SAMD11: variants seen among roughly 807,000 people sequenced by gnomAD.
The protein encoded by SAMD11 is sterile alpha motif domain containing 11.
A neutral mutation model predicts 64.4 loss-of-function variants in SAMD11; 77 were observed. The observed-to-expected ratio is 1.20, with a 90% confidence interval of 0.99 to 1.44. SAMD11 has a LOEUF of 1.44. Ranked by LOEUF, SAMD11 falls within the 40% of genes most tolerant of loss-of-function variation. The probability of loss-of-function intolerance (pLI) is 0.00; values close to 1 mark genes in which losing one functional copy is unlikely to be tolerated. For synonymous variants in SAMD11, 658 were observed against 421.9 expected (o/e 1.56, Z -6.86); for missense variants, 1,402 against 943.3 (o/e 1.49, Z -6.37).
intron 5 of SAMD11, 66 bp downstream of exon 5, chr1:935,962 AC>A: frequency 6.6e-7 from 1 of 1,518,618 alleles, no homozygotes; most frequent in South Asian, 1.2e-5. Context: ...TGGCGTCTCC[AC>A]TCAGCACCAG....
chr1:935,734 TGCCCACGGGG>T, intron 4 of SAMD11, 28 bp from the exon 5 acceptor site: 3 of 1,611,754 alleles, frequency 1.9e-6, no homozygotes, highest in Non-Finnish European at 2.5e-6. Flanking sequence ...GCCTCGCAGC[TGCCCACGGGG>T]TCAGCTTTTC....
At chr1:930,902 A>C in intron 3 of SAMD11, 137 bp from the exon 4 acceptor site, 1 of 813,328 alleles carries the variant, frequency 1.2e-6, no homozygotes, top group Non-Finnish European at 2.1e-6. Context: ...TGGGCATGGC[A>C]GCCGCCCTCG....
intron 4 of SAMD11, 39 bp downstream of exon 4, chr1:931,128 A>T (rs1480222488): frequency 1.4e-6 from 2 of 1,449,758 alleles, no homozygotes; most frequent in South Asian, 1.2e-5. Context: ...GGGGGCCGTG[A>T]CTCCCCTCCC....
chr1:943,723 G>GGGAGACCCTGCCACTGCTGAC lies in SAMD11; in HGVS notation c.2209_2229dup (p.Thr737_Glu743dup), dbSNP rs1553160513. 6.3e-7 allele frequency: 1 copy of GGGAGACCCTGCCACTGCTGAC among 1,598,012 alleles called. No individual in the cohort carries two copies. Among genetic ancestry groups the GGGAGACCCTGCCACTGCTGAC allele is most frequent in the Admixed American group, 1.7e-5 (1 of 59,156 alleles). ...GTCTTCAGGGAGCAGGGGATCGACG[G>GGGAGACCCTGCCACTGCTGAC]GGAGACCCTGCCACTGCTGACGGAG... On this transcript the variant is annotated inframe_insertion, in exon 13 of 14. Coordinates refer to ENST00000616016, the MANE Select transcript of SAMD11 (RefSeq NM_001385641.1).
At chr1:929,010 C>T (rs1215577921) in intron 2 of SAMD11, among the ~76,000 whole-genome samples, 2 of 152,268 alleles carry the variant, frequency 1.3e-5, no homozygotes, top group African/African-American at 2.4e-5. Flanking sequence ...GTGAGTTAGA[C>T]GCTCTCAAGG....
In SAMD11 at chr1:936,296, G is replaced by A. The variant is rs572571903; in HGVS notation, c.967+400G>A. 8.1e-4 allele frequency among the ~76,000 whole-genome samples: 110 copies of A among 136,428 alleles called. 2 individuals are homozygous for A. The highest frequency in any genetic ancestry group is 2.8e-3 in the African/African-American group (104 of 36,506). 89.5% of individuals were successfully genotyped at this position (136,428 alleles called of 152,430 possible). ...CCCGGTCCCGCCTCCTAGGGCTCCT[G>A]GACGGAGGGGGTCCCCGGTCCCGCC... On this transcript the variant is annotated intron_variant, in intron 5 of 13. Transcript: ENST00000616016.
At chr1:925,399 C>G (rs1301396452) in intron 1 of SAMD11, among the ~76,000 whole-genome samples, 1 of 76,974 alleles carries the variant, frequency 1.3e-5, no homozygotes, top group Non-Finnish European at 4.1e-5. Flanking sequence ...CCAGGTCACA[C>G]AACCTGTTTT....
In SAMD11 at chr1:939,130, G is replaced by T; in HGVS notation, c.1057+1G>T. The T allele has an allele frequency of 6.3e-7, 1 of 1,585,452 alleles. No homozygotes were observed. Among genetic ancestry groups the T allele is most frequent in the Admixed American group, 1.8e-5 (1 of 55,652 alleles). ...AGGGCACGAAGCGAATCGCCTCAAG[G>T]TAAGAGCGTGGCTGGGACGAGAGAC... is the stretch of plus-strand genomic sequence containing the variant. On this transcript the variant is annotated splice_donor_variant, in intron 6 of 13. Coordinates refer to ENST00000616016, the MANE Select transcript of SAMD11 (RefSeq NM_001385641.1). LOFTEE classifies it high-confidence loss of function.
At position 943,056 on chromosome 1, in the gene SAMD11, C is replaced by G; in HGVS notation, c.2051C>G (p.Thr684Arg). 2.6e-6 allele frequency: 4 copies of G among 1,533,802 alleles called. No individual in the cohort carries two copies. Among genetic ancestry groups the G allele is most frequent in the Non-Finnish European group, 3.5e-6 (4 of 1,141,456 alleles). Reference sequence around the variant, plus strand: ...TATGCCGTCAGCCCCTACTTCCACACAGGTGGGCACCCCCACACTCTAGAT... The same window carrying G: ...TATGCCGTCAGCCCCTACTTCCACAGAGGTGGGCACCCCCACACTCTAGAT... ...FPYAVSPYFHTGAVGGLSMDG... is the reference protein window; with the variant it reads ...FPYAVSPYFHRGAVGGLSMDG... The change falls in exon 11 of 14, where the codon ACA (threonine) becomes AGA (arginine). Residue 684 changes from threonine to arginine, a missense_variant and splice_region_variant. By Grantham distance (71) the Thr-to-Arg change is moderately conservative (BLOSUM62 -1). Transcript: ENST00000616016.
At chr1:927,783 C>T (rs1460804893) in intron 2 of SAMD11, among the ~76,000 whole-genome samples, 3 of 152,200 alleles carry the variant, frequency 2.0e-5, no homozygotes, top group African/African-American at 4.8e-5. Flanking sequence ...GTGCTGTGGC[C>T]GAGGTCTCTA....
chr1:932,092 T>C (rs542156257), intron 4 of SAMD11, among the ~76,000 whole-genome samples: 2 of 152,340 alleles, frequency 1.3e-5, no homozygotes, highest in East Asian at 3.9e-4. Context: ...CAGAGCCGAA[T>C]TACAATAAAA....
In SAMD11 at chr1:930,272, AC is replaced by A; in HGVS notation, c.729del (p.Cys244ValfsTer7). Reference protein sequence around the residue: ...SDGDSDGSGPTCGRRPGLKQE... With the variant: ...SDGDSDGSGPXCGRRPGLKQE... ...TGGTGACAGCGACGGGAGTGGCCCC[AC>A]CTGTGGGCGGCGGCCAGGCTTGAAG... On this transcript the variant is annotated frameshift_variant, in exon 3 of 14. Transcript: ENST00000616016. LOFTEE classifies it high-confidence loss of function. 6.2e-7 allele frequency: 1 copy of A among 1,608,316 alleles called. No homozygotes were observed. The highest frequency in any genetic ancestry group is 8.5e-7 in the Non-Finnish European group (1 of 1,177,864).
chr1:942,775 T>C lies in SAMD11; in HGVS notation c.1770T>C (p.Ser590=). 1 of 1,536,710 alleles carries C rather than the reference T, an allele frequency of 6.5e-7. No individual in the cohort carries two copies. The highest frequency in any genetic ancestry group is 2.5e-5 in the East Asian group (1 of 39,802). Residue 590 remains serine (S), a synonymous_variant, in exon 11 of 14, where the codon TCT becomes TCC. Transcript: ENST00000616016. ...GACCCCCCACCCCGTCCCGGGACTC[T>C]GCCCGGCGAGCCCCCCGGAAGGGGG... ...GSGPPTPSRD[S]ARRAPRKGGP...
intron 4 of SAMD11, among the ~76,000 whole-genome samples, chr1:935,252 T>C (rs1641369337): frequency 6.6e-6 from 1 of 152,140 alleles, no homozygotes; most frequent in Admixed American, 6.5e-5. Flanking sequence ...GCTGCACGTG[T>C]CTGCCGGTGC....
chr1:939,554 C>A, intron 7 of SAMD11, 142 bp downstream of exon 7: 3 of 1,496,566 alleles, frequency 2.0e-6, no homozygotes, highest in Non-Finnish European at 2.7e-6. Flanking sequence ...GACACCAAGG[C>A]CAGGCTGGAT....
intron 4 of SAMD11, 60 bp downstream of exon 4, chr1:931,149 C>G: frequency 6.7e-7 from 1 of 1,500,546 alleles, no homozygotes; most frequent in Non-Finnish European, 9.2e-7. Flanking sequence ...TCCCTCCCAC[C>G]CCTGACCGTG....
rs1418687917 is a variant in SAMD11 at position 925,387 on chromosome 1, C to T, written c.517+439C>T. Among the ~76,000 whole-genome samples the T allele has an allele frequency of 8.4e-5, 11 of 130,370 alleles. No individual in the cohort carries two copies. In the East Asian group the frequency reaches 2.1e-3, roughly 25 times the overall value. 85.5% of individuals were successfully genotyped at this position (130,370 alleles called of 152,430 possible). On this transcript the variant is annotated intron_variant, in intron 1 of 13. Transcript: ENST00000616016. Reference sequence around the variant, plus strand: ...GGCGCGCGCGGAGCCCGAGCGGCGGCGCCAGGTCACACAACCTGTTTTGGC... The same window carrying T: ...GGCGCGCGCGGAGCCCGAGCGGCGGTGCCAGGTCACACAACCTGTTTTGGC...
At position 931,260 on chromosome 1, in the gene SAMD11, C is replaced by T. The variant is rs560335062; in HGVS notation, c.842+171C>T. On this transcript the variant is annotated intron_variant, in intron 4 of 13. Transcript: ENST00000616016. ...TGTGCTGCAAGGTTGTCCCCCATCC[C>T]GGGAGGCAGACAGTGTTGCACCCAG... is the stretch of plus-strand genomic sequence containing the variant. 1.2e-4 allele frequency among the ~76,000 whole-genome samples: 18 copies of T among 152,264 alleles called. No individual in the cohort carries two copies. In the South Asian group the frequency reaches 2.9e-3, roughly 25 times the overall value.
chr1:930,057 C>A (rs893137320), intron 2 of SAMD11, 98 bp from the exon 3 acceptor site: 2 of 1,397,774 alleles, frequency 1.4e-6, no homozygotes, highest in Non-Finnish European at 1.9e-6. Context: ...GGGCAGACCC[C>A]CGGGAGATGG....
Sources: allele counts gnomAD v4.1 joint callset (sites outside exome capture counted in the v4.1 genomes callset), GRCh38; gene constraint gnomAD v4.1.1; transcripts MANE v1.5; gene names NCBI Gene and HGNC (gene_info 2026-07-23, HGNC 2026-07-21).